Variants in CFAP47 observed in about 807,000 individuals in gnomAD.
CFAP47 encodes cilia- and flagella-associated protein 47.
Under a neutral mutation model 148.1 loss-of-function variants are expected in CFAP47, and 29 were observed. The observed-to-expected ratio is 0.20, with a 90% CI of 0.15 to 0.27. CFAP47 has a LOEUF of 0.27. Ranked by LOEUF, CFAP47 falls within the 10% of genes least tolerant of loss-of-function variation. CFAP47 has a pLI of 1.00. For synonymous variants in CFAP47, 664 were observed against 577.3 expected (o/e 1.15, Z -2.15); for missense variants, 1,872 against 1,697.5 (o/e 1.10, Z -1.81).
At chrX:36,153,114 A>T (rs935498008) in intron 37 of CFAP47, among the ~76,000 whole-genome samples, 2 of 111,543 alleles carry the variant, frequency 1.8e-5, no homozygotes, top group Admixed American at 9.5e-5. Context: ...TCAAGGTATG[A>T]TTCTTCCTAA....
intron 22 of CFAP47, among the ~76,000 whole-genome samples, chrX:36,018,610 T>C (rs1166607728): frequency 8.9e-6 from 1 of 112,349 alleles, no homozygotes. Context: ...CACATGGTTT[T>C]TGTCCTTCAT....
At chrX:36,062,303 TA>T (rs911166347) in intron 26 of CFAP47, among the ~76,000 whole-genome samples, 2 of 111,611 alleles carry the variant, frequency 1.8e-5, no homozygotes, top group African/African-American at 6.5e-5. Flanking sequence ...TGGGAAGTGC[TA>T]AAATATTATA....
intron 7 of CFAP47, among the ~76,000 whole-genome samples, chrX:35,955,624 CA>C (rs1431209487): frequency 8.9e-6 from 1 of 111,918 alleles, no homozygotes; most frequent in African/African-American, 3.2e-5. Context: ...ACAGAATCCC[CA>C]AGACCTTGTA....
At chrX:36,088,512 TTCTCTC>T (rs753374823) in intron 30 of CFAP47, among the ~76,000 whole-genome samples, 101 of 108,568 alleles carry the variant, frequency 9.3e-4, no homozygotes, top group Non-Finnish European at 1.7e-3. Context: ...CTCTCTTCTC[TTCTCTC>T]TCTCTCTCTC....
chrX:36,321,201 A>AAG lies in CFAP47; in HGVS notation c.8443+1908_8443+1909dup, dbSNP rs1310184960. Among the ~76,000 whole-genome samples the AAG allele has an allele frequency of 2.4e-4, 27 of 111,345 alleles. No homozygotes were observed. The East Asian group carries it at 7.1e-3, about 29-fold the overall frequency. On this transcript the variant is annotated intron_variant, in intron 57 of 63. Transcript: ENST00000378653. ...ACAGTGTAGTAGTATTCAGCCATAAAAGAGAGAGAGAGAGATACTGCCATT... is the reference window on the plus strand; with the variant it reads ...ACAGTGTAGTAGTATTCAGCCATAAAAGAGAGAGAGAGAGAGATACTGCCATT...
chrX:36,236,077 G>A lies in CFAP47; in HGVS notation c.7158G>A (p.Thr2386=), dbSNP rs1569296203. Residue 2386 remains threonine, a splice_region_variant and synonymous_variant, in exon 47 of 64, where the codon ACG becomes ACA. Coordinates refer to ENST00000378653, the MANE Select transcript of CFAP47 (RefSeq NM_001304548.2). ...AACCTATTTTTGAATGTGTCATTACGGTATGAACTCCTTGATATTTTCCCC... is the reference window on the plus strand; with the variant it reads ...AACCTATTTTTGAATGTGTCATTACAGTATGAACTCCTTGATATTTTCCCC... ...TFKPIFECVI[T]GKLILQNEVD... 1 of 470,876 alleles carries A rather than the reference G, an allele frequency of 2.1e-6. No individual in the cohort carries two copies. Among genetic ancestry groups the A allele is most frequent in the African/African-American group, 2.4e-5 (1 of 41,561 alleles). The allele number at this position is 470,876 out of a possible 1,213,427, so 38.8% of individuals were successfully genotyped here.
chrX:36,138,759 A>T (rs974893308), intron 35 of CFAP47, among the ~76,000 whole-genome samples: 4 of 111,600 alleles, frequency 3.6e-5, no homozygotes, highest in African/African-American at 1.3e-4. Context: ...CTCAAAATCT[A>T]AGAATGAACT....
intron 53 of CFAP47, among the ~76,000 whole-genome samples, chrX:36,302,758 G>T (rs1384211343): frequency 9.0e-6 from 1 of 111,657 alleles, no homozygotes; most frequent in African/African-American, 3.3e-5. Flanking sequence ...TCATCAATTT[G>T]GATCTTGTTA....
intron 55 of CFAP47, among the ~76,000 whole-genome samples, chrX:36,308,002 T>C (rs1350107621): frequency 5.4e-5 from 6 of 111,629 alleles, no homozygotes; most frequent in African/African-American, 1.9e-4. Context: ...AAAGCTGTTC[T>C]TTTAAGCGAT....
At chrX:36,024,428 C>A (rs1003875322) in intron 22 of CFAP47, among the ~76,000 whole-genome samples, 37 of 111,568 alleles carry the variant, frequency 3.3e-4, no homozygotes, top group African/African-American at 1.1e-3. Context: ...GATGCCAGCA[C>A]TTACTTAGCT....
chrX:36,038,950 A>AT (rs1937369288), intron 24 of CFAP47, 34 bp from the exon 25 acceptor site: 5 of 782,868 alleles, frequency 6.4e-6, no homozygotes, highest in Non-Finnish European at 8.6e-6. Context: ...GTTTTAACTA[A>AT]TTTAAAATAC....
chrX:36,215,198 G>A (rs1205703562), intron 45 of CFAP47, among the ~76,000 whole-genome samples: 2 of 111,443 alleles, frequency 1.8e-5, no homozygotes, highest in Non-Finnish European at 3.8e-5. Context: ...ACCAGATAGT[G>A]CATGACTGTA....
rs1374548468 is a variant in CFAP47 at position 36,085,385 on chromosome X, C to T, written c.4763C>T (p.Ser1588Phe). Residue 1588 changes from serine (S) to phenylalanine (F), a missense_variant, in exon 30 of 64, where the codon TCC becomes TTC. Transcript: ENST00000378653. ...PQKFSRQNDF[S>F]KYNKTIYDVL... is the part of the protein sequence containing the mutation. ...AAGTTTTCCAGACAGAATGACTTTT[C>T]CAAATATAATAAGACCATTTATGAT... 2 of 1,205,289 alleles carry T rather than the reference C, an allele frequency of 1.7e-6. No individual in the cohort carries two copies. Among genetic ancestry groups the T allele is most frequent in the Non-Finnish European group, 2.2e-6 (2 of 892,474 alleles).
At chrX:36,281,245 A>T (rs2146944583) in intron 50 of CFAP47, among the ~76,000 whole-genome samples, 1 of 112,488 alleles carries the variant, frequency 8.9e-6, no homozygotes, top group East Asian at 2.8e-4. Context: ...TTGTGGAGAC[A>T]TTTTAAATGT....
At chrX:36,006,747 TAA>T (rs1017624213) in intron 21 of CFAP47, among the ~76,000 whole-genome samples, 14 of 112,183 alleles carry the variant, frequency 1.2e-4, no homozygotes, top group African/African-American at 4.5e-4. Context: ...TTATTTTCTG[TAA>T]GTCACTCAAG....
At chrX:36,363,499 C>A (rs1941846053) in intron 61 of CFAP47, among the ~76,000 whole-genome samples, 1 of 111,524 alleles carries the variant, frequency 9.0e-6, no homozygotes, top group African/African-American at 3.3e-5. Context: ...GTTGTATGTA[C>A]AGTTCATCAT....
At chrX:36,164,847 A>G (rs746579634) in intron 39 of CFAP47, among the ~76,000 whole-genome samples, 1 of 111,689 alleles carries the variant, frequency 9.0e-6, no homozygotes, top group Non-Finnish European at 1.9e-5. Context: ...TTTGAAGTGC[A>G]TGATATTGTT....
chrX:35,953,510 G>A, intron 6 of CFAP47, 82 bp from the exon 7 acceptor site: 1 of 711,771 alleles, frequency 1.4e-6, no homozygotes. Flanking sequence ...TAGATTTAAA[G>A]ATTGGATTGA....
chrX:36,059,525 GTACTTATTGCAT>G (rs1391574590), intron 26 of CFAP47, among the ~76,000 whole-genome samples: 2 of 111,872 alleles, frequency 1.8e-5, no homozygotes, highest in African/African-American at 3.2e-5. Flanking sequence ...AGGCATTGCT[GTACTTATTGCAT>G]TACAGGTCAA....
Sources: gnomAD v4.1 joint callset for allele counts (sites outside exome capture counted in the v4.1 genomes callset) on GRCh38, gnomAD v4.1.1 for gene constraint, MANE v1.5 for transcripts, NCBI Gene and HGNC (gene_info 2026-07-23, HGNC 2026-07-21) for gene names.